The following CSNK1G3 variants were observed in gnomAD, a reference collection of about 807,000 sequenced individuals.
CSNK1G3 encodes casein kinase I isoform gamma-3.
In CSNK1G3, 23 loss-of-function variants were observed where a neutral mutation model predicts 64.3. The ratio of observed to expected loss-of-function variants is 0.36; its 90% CI spans 0.26 to 0.51. CSNK1G3 has a LOEUF of 0.51. Ranked by LOEUF, CSNK1G3 falls within the 20% of genes least tolerant of loss-of-function variation. The pLI is 0.96. For missense variants in CSNK1G3, 357 were observed against 510.5 expected, an observed-to-expected ratio of 0.70 and a Z score of 2.90; for synonymous variants, 158 against 162.2, an observed-to-expected ratio of 0.97 and a Z score of 0.20.
chr5:123,518,699 A>C (rs1006285440), intron 1 of CSNK1G3, among the ~76,000 whole-genome samples: 7 of 152,206 alleles, frequency 4.6e-5, no homozygotes, highest in African/African-American at 1.7e-4. Context: ...GTTGGTTTCT[A>C]CTAATCAGGA....
At chr5:123,544,350 C>T (rs936755803) in intron 1 of CSNK1G3, among the ~76,000 whole-genome samples, 9 of 152,102 alleles carry the variant, frequency 5.9e-5, no homozygotes, top group Admixed American at 2.0e-4. Context: ...CCTACACCAC[C>T]GGCCCCAGTT....
intron 1 of CSNK1G3, among the ~76,000 whole-genome samples, chr5:123,518,422 C>T (rs1015462311): frequency 4.6e-5 from 7 of 152,120 alleles, no homozygotes; most frequent in African/African-American, 1.7e-4. Flanking sequence ...TACTTGAGAG[C>T]TCTGGTCTGC....
exon 13 of CSNK1G3, chr5:123,614,413 A>C: frequency 6.2e-7 from 1 of 1,604,300 alleles, no homozygotes; most frequent in Non-Finnish European, 8.5e-7. Context: ...ACACAGACAG[A>C]TCCTGGGGAG....
chr5:123,588,028 G>A lies in CSNK1G3; in HGVS notation c.674-40G>A, dbSNP rs1159682207. On this transcript the variant is annotated intron_variant, in intron 6 of 12. Transcript: ENST00000345990. ...ACTCTCCATTCTTCCATTCTTAACTGTTAGAGAAAAGTGAAATTTATATTT... is the reference window on the plus strand; with the variant it reads ...ACTCTCCATTCTTCCATTCTTAACTATTAGAGAAAAGTGAAATTTATATTT... The A allele has an allele frequency of 4.6e-6, 6 of 1,310,722 alleles. No homozygotes were observed. The East Asian group carries it at 1.4e-4, about 31-fold the overall frequency. 81.2% of individuals were successfully genotyped at this position (1,310,722 alleles called of 1,614,324 possible).
intron 5 of CSNK1G3, among the ~76,000 whole-genome samples, chr5:123,575,157 C>T (rs958156940): frequency 2.6e-5 from 4 of 152,086 alleles, no homozygotes; most frequent in Non-Finnish European, 4.4e-5. Context: ...AGTTGGATTT[C>T]AGACTTTTCT....
At chr5:123,545,836 G>A (rs1782434016) in exon 2 of CSNK1G3, 2 of 1,611,294 alleles carry the variant, frequency 1.2e-6, no homozygotes, top group Admixed American at 1.7e-5. Context: ...GGAGAATTAC[G>A]ATTAGGTAAG....
At chr5:123,588,069 A>G (rs1791653387) in exon 7 of CSNK1G3, 1 of 1,554,196 alleles carries the variant, frequency 6.4e-7, no homozygotes, top group Non-Finnish European at 8.7e-7. Context: ...GTATTTCAGA[A>G]CAAAGTAGAA....
chr5:123,529,937 G>C (rs751644850), intron 1 of CSNK1G3, among the ~76,000 whole-genome samples: 16 of 152,008 alleles, frequency 1.1e-4, no homozygotes, highest in Non-Finnish European at 2.4e-4. Flanking sequence ...AGAAGTTTGA[G>C]ACCAGCCTGG....
chr5:123,593,520 G>T (rs192317826), intron 10 of CSNK1G3, among the ~76,000 whole-genome samples: 173 of 152,012 alleles, frequency 1.1e-3, no homozygotes, highest in African/African-American at 3.9e-3. Context: ...TCAGGAGAGG[G>T]CGTGTAGCTC....
intron 1 of CSNK1G3, among the ~76,000 whole-genome samples, chr5:123,516,850 G>A (rs1777256158): frequency 6.6e-6 from 1 of 151,970 alleles, no homozygotes; most frequent in Non-Finnish European, 1.5e-5. Context: ...AGTAATGTGA[G>A]GTTGAAGTTG....
intron 2 of CSNK1G3, among the ~76,000 whole-genome samples, chr5:123,551,405 G>A (rs927035716): frequency 6.6e-6 from 1 of 152,276 alleles, no homozygotes; most frequent in Middle Eastern, 3.4e-3. Flanking sequence ...GGTTCAATGA[G>A]TATATGAATA....
chr5:123,533,790 T>A (rs1780353802), intron 1 of CSNK1G3, among the ~76,000 whole-genome samples: 1 of 151,876 alleles, frequency 6.6e-6, no homozygotes, highest in South Asian at 2.1e-4. Context: ...CTTCATATGA[T>A]CTGCTTCCCC....
chr5:123,571,568 A>G (rs1192548496), intron 4 of CSNK1G3, among the ~76,000 whole-genome samples: 1 of 152,206 alleles, frequency 6.6e-6, no homozygotes, highest in Admixed American at 6.5e-5. Flanking sequence ...TTGAATGACA[A>G]GCTAGCCACA....
At chr5:123,514,607 T>A (rs1228457045) in intron 1 of CSNK1G3, among the ~76,000 whole-genome samples, 1 of 152,086 alleles carries the variant, frequency 6.6e-6, no homozygotes, top group Non-Finnish European at 1.5e-5. Context: ...GGGGTGTGTG[T>A]GTGTGAGATA....
chr5:123,527,761 C>T (rs760332083), intron 1 of CSNK1G3, among the ~76,000 whole-genome samples: 2 of 152,156 alleles, frequency 1.3e-5, no homozygotes, highest in Non-Finnish European at 2.9e-5. Flanking sequence ...ATTTAGTTAG[C>T]ATTATAGGGA....
At chr5:123,551,127 C>T (rs886451218) in intron 2 of CSNK1G3, among the ~76,000 whole-genome samples, 1 of 152,038 alleles carries the variant, frequency 6.6e-6, no homozygotes, top group Non-Finnish European at 1.5e-5. Context: ...ACATCATATA[C>T]AAAATAGTTA....
chr5:123,604,660 G>A, intron 10 of CSNK1G3, 64 bp from the exon 12 acceptor site: 1 of 758,864 alleles, frequency 1.3e-6, no homozygotes, highest in Non-Finnish European at 2.2e-6. Flanking sequence ...TATTTAATAT[G>A]TATGTATATT....
At chr5:123,525,911 C>T (rs1303453271) in intron 1 of CSNK1G3, among the ~76,000 whole-genome samples, 6 of 149,908 alleles carry the variant, frequency 4.0e-5, no homozygotes, top group East Asian at 4.0e-4. Context: ...GGCAGGAGAA[C>T]GGCATGAACC....
intron 12 of CSNK1G3, 132 bp from the exon 14 acceptor site, chr5:123,614,210 T>G (rs1749052393): frequency 2.8e-6 from 2 of 707,588 alleles, no homozygotes; most frequent in South Asian, 4.1e-5. Context: ...ATACGTATGC[T>G]TCATTGGTGT....
Sources: gnomAD v4.1 joint callset for allele counts (sites outside exome capture counted in the v4.1 genomes callset) on GRCh38, gnomAD v4.1.1 for gene constraint, MANE v1.5 for transcripts, NCBI Gene and HGNC (gene_info 2026-07-23, HGNC 2026-07-21) for gene names.